CTBP1: variants seen among roughly 807,000 people sequenced by gnomAD.
CTBP1 encodes the protein C-terminal binding protein 1.
In CTBP1, 11 loss-of-function variants were observed where a neutral mutation model predicts 42.1. That is an observed-to-expected ratio of 0.26 (90% CI 0.16 to 0.43). CTBP1 has a LOEUF of 0.43. Among genes scored for constraint, CTBP1 ranks in the 20% least tolerant of loss-of-function variants. CTBP1 has a pLI of 1.00. For synonymous variants in CTBP1, 324 were observed against 277.1 expected (o/e 1.17, Z -1.68); for missense variants, 399 against 624.3 (o/e 0.64, Z 3.85).
Position 1,225,397 on chromosome 4 carries a change from G to C in CTBP1, c.477C>G (p.Ala159=). 6.4e-7 allele frequency: 1 copy of C among 1,566,976 alleles called. No individual in the cohort carries two copies. The highest frequency in any genetic ancestry group is 8.6e-7 in the Non-Finnish European group (1 of 1,160,892). Residue 159 remains alanine (A), a synonymous_variant, in exon 5 of 10, where the codon GCC becomes GCG. Coordinates refer to ENST00000382952, the MANE Select transcript of CTBP1 (RefSeq NM_001012614.2). ...EQIREVASGA[A]RIRGETLGII... is the part of the protein sequence containing the mutation. ...TGCCCAAGGTCTCCCCGCGGATCCT[G>C]GCAGCGCCGGACGCCACCTCGCGGA...
intron 1 of CTBP1, chr4:1,243,265 G>A: frequency 1.0e-6 from 1 of 985,436 alleles, no homozygotes; most frequent in Non-Finnish European, 1.2e-6. Context: ...CTCTGAGGAA[G>A]AAGCAGATGT....
chr4:1,222,883 T>C (rs1729908879), intron 5 of CTBP1, among the ~76,000 whole-genome samples: 1 of 152,086 alleles, frequency 6.6e-6, no homozygotes, highest in Non-Finnish European at 1.5e-5. Context: ...CACACCCACC[T>C]ACTCTTACCA....
In CTBP1 at chr4:1,248,941, G is replaced by A. The variant is rs1378984937; in HGVS notation, c.-214C>T. 16 of 1,011,044 alleles carry A rather than the reference G, an allele frequency of 1.6e-5. No homozygotes were observed. Among genetic ancestry groups the A allele is most frequent in the Non-Finnish European group, 1.9e-5 (16 of 841,076 alleles). 62.6% of individuals were successfully genotyped at this position (1,011,044 alleles called of 1,614,324 possible). ...CAAGCGGCAGGCCCTTGTTGAGCAA[G>A]TGCGAGCTGCCCATCGAGAGGCGCG... On this transcript the variant is annotated 5_prime_UTR_variant, in exon 1 of 10. Transcript: ENST00000382952.
intron 1 of CTBP1, 40 bp from the exon 2 acceptor site, chr4:1,241,559 A>C: frequency 6.5e-7 from 1 of 1,535,614 alleles, no homozygotes; most frequent in Non-Finnish European, 8.7e-7. Flanking sequence ...AATGCCATCG[A>C]AGGTCCGACC....
At chr4:1,215,770 G>A (rs1282922345) in intron 6 of CTBP1, 2 of 594,596 alleles carry the variant, frequency 3.4e-6, no homozygotes, top group Non-Finnish European at 6.0e-6. Context: ...GTTCTGTCTT[G>A]TCCAGAGAGT....
Position 1,243,099 on chromosome 4 carries a change from G to A in CTBP1, c.-188-1580C>T, listed in dbSNP as rs989308777. On this transcript the variant is annotated intron_variant, in intron 1 of 9. Transcript: ENST00000382952. ...GTCAATACTCATCAATGCTACCCACGGTGGCCCAGTACCGGCTGCTGCTCG... is the reference window on the plus strand; with the variant it reads ...GTCAATACTCATCAATGCTACCCACAGTGGCCCAGTACCGGCTGCTGCTCG... The A allele has an allele frequency of 1.1e-5, 11 of 985,232 alleles. No homozygotes were observed. In the African/African-American group the frequency reaches 1.2e-4, roughly 11 times the overall value. 61.0% of individuals were successfully genotyped at this position (985,232 alleles called of 1,614,324 possible).
intron 3 of CTBP1, among the ~76,000 whole-genome samples, chr4:1,232,674 A>G (rs558585657): frequency 2.0e-5 from 3 of 152,294 alleles, no homozygotes; most frequent in Non-Finnish European, 4.4e-5. Flanking sequence ...GTAGTATCAC[A>G]TTTTCCACAG....
rs780587679 is a variant in CTBP1, at chr4:1,213,002, A to G, written c.1017T>C (p.Cys339=). The G allele has an allele frequency of 6.2e-7, 1 of 1,613,886 alleles. No individual in the cohort carries two copies. The highest frequency in any genetic ancestry group is 8.5e-7 in the Non-Finnish European group (1 of 1,179,974). ...TGRIPDSLKN[C]VNKDHLTAAT... is the part of the protein sequence containing the mutation. Reference sequence around the variant, plus strand: ...CGGCTGTCAGATGGTCCTTGTTGACACAGTTCTTCAGGCTGTCTGGGATCC... The same window carrying G: ...CGGCTGTCAGATGGTCCTTGTTGACGCAGTTCTTCAGGCTGTCTGGGATCC... Residue 339 remains cysteine, a synonymous_variant, in exon 9 of 10, where the codon TGT becomes TGC. Coordinates refer to ENST00000382952, the MANE Select transcript of CTBP1 (RefSeq NM_001012614.2).
Position 1,241,404 on chromosome 4 carries a change from G to T in CTBP1, c.-73C>A. On this transcript the variant is annotated 5_prime_UTR_variant, in exon 2 of 10. It introduces an in-frame stop codon into an upstream open reading frame of the 5' UTR. Coordinates refer to ENST00000382952, the MANE Select transcript of CTBP1 (RefSeq NM_001012614.2). ...AGCTTTTTATCTTCAGGATCCCCAG[G>T]CAGAACCGCGTCCTGTCTCGGAGCC... The T allele has an allele frequency of 7.8e-7, 1 of 1,280,956 alleles. No homozygotes were observed. Among genetic ancestry groups the T allele is most frequent in the African/African-American group, 1.5e-5 (1 of 68,404 alleles). 79.3% of individuals were successfully genotyped at this position (1,280,956 alleles called of 1,614,324 possible). A position where few individuals can be genotyped will look rare whatever the true frequency, so the allele number is the denominator to read the frequency against.
chr4:1,248,167 T>C (rs1393414747), intron 1 of CTBP1, among the ~76,000 whole-genome samples: 1 of 151,846 alleles, frequency 6.6e-6, no homozygotes, highest in Non-Finnish European at 1.5e-5. Context: ...CCGTGCTCCC[T>C]GCTTCCGCGG....
chr4:1,236,283 C>G (rs1731484298), intron 3 of CTBP1: 1 of 308,838 alleles, frequency 3.2e-6, no homozygotes, highest in African/African-American at 2.1e-5. Context: ...GCCAGACCAA[C>G]CTAGTTCTCA....
chr4:1,230,446 G>A (rs1456299206), intron 3 of CTBP1, among the ~76,000 whole-genome samples: 1 of 152,228 alleles, frequency 6.6e-6, no homozygotes, highest in Admixed American at 6.5e-5. Flanking sequence ...TGGGCAGGAG[G>A]GGCTGCGCAT....
At chr4:1,241,603 T>G (rs1047145086) in intron 1 of CTBP1, 84 bp from the exon 2 acceptor site, 1 of 1,459,462 alleles carries the variant, frequency 6.9e-7, no homozygotes, top group South Asian at 1.2e-5. Context: ...GCCTCAGAAG[T>G]GGACCTCACT....
intron 3 of CTBP1, among the ~76,000 whole-genome samples, chr4:1,230,226 G>A (rs1208472136): frequency 2.0e-5 from 3 of 152,126 alleles, no homozygotes; most frequent in Non-Finnish European, 2.9e-5. Context: ...ACGGGGTGAG[G>A]CCACAAGGAC....
chr4:1,230,264 G>A (rs77795178), intron 3 of CTBP1, among the ~76,000 whole-genome samples: 2 of 152,308 alleles, frequency 1.3e-5, no homozygotes, highest in African/African-American at 4.8e-5. Context: ...GCCAGCAGTG[G>A]GCGACTGGTG....
chr4:1,217,062 C>A, intron 5 of CTBP1: 1 of 152,552 alleles, frequency 6.6e-6, no homozygotes, highest in Non-Finnish European at 1.5e-5. Flanking sequence ...GAAGACCAAG[C>A]TTGCTGGAGA....
chr4:1,231,864 C>T (rs1015883461), intron 3 of CTBP1, among the ~76,000 whole-genome samples: 3 of 152,242 alleles, frequency 2.0e-5, no homozygotes, highest in Admixed American at 6.5e-5. Context: ...TCCCTCAGCA[C>T]GGCTGGTGCA....
At chr4:1,245,825 G>A (rs189340844) in intron 1 of CTBP1, among the ~76,000 whole-genome samples, 76 of 151,968 alleles carry the variant, frequency 5.0e-4, no homozygotes, top group Admixed American at 4.8e-3. Flanking sequence ...GGTGCAGAAG[G>A]GGCCTGGTCC....
chr4:1,243,372 A>G (rs1008961661), intron 1 of CTBP1: 11 of 984,992 alleles, frequency 1.1e-5, no homozygotes, highest in Non-Finnish European at 1.3e-5. Flanking sequence ...GGGGCCCTGC[A>G]CTCCCTGGGC....
Sources: gnomAD v4.1 joint callset for allele counts (sites outside exome capture counted in the v4.1 genomes callset) on GRCh38, gnomAD v4.1.1 for gene constraint, MANE v1.5 for transcripts, NCBI Gene and HGNC (gene_info 2026-07-23, HGNC 2026-07-21) for gene names.